Variants in UHMK1 observed in about 807,000 individuals in gnomAD.
UHMK1 encodes the protein U2AF homology motif kinase 1.
UHMK1 carries 18 observed loss-of-function variants against 44.0 expected under a neutral mutation model. The ratio of observed to expected loss-of-function variants is 0.41; its 90% CI spans 0.28 to 0.61. UHMK1 has a LOEUF of 0.61. UHMK1 is among the 20% of genes least tolerant of loss of function. The probability of loss-of-function intolerance (pLI) is 0.31; values close to 1 mark genes in which losing one functional copy is unlikely to be tolerated. For missense variants in UHMK1, 463 were observed against 522.5 expected (o/e 0.89, Z 1.11); for synonymous variants, 231 against 198.5 (o/e 1.16, Z -1.38).
Position 162,525,567 on chromosome 1 carries a change from G to A in UHMK1, c.*3017G>A, listed in dbSNP as rs1447888056. 2 of 152,150 alleles carry A rather than the reference G, an allele frequency of 1.3e-5. No individual in the cohort carries two copies. Among genetic ancestry groups the A allele is most frequent in the African/African-American group, 2.4e-5 (1 of 41,422 alleles). 9.4% of individuals were successfully genotyped at this position (152,150 alleles called of 1,614,324 possible). ...GCTAGCCACTGTCAAAACTAATGCT[G>A]TATTTACAGGACAAAAACAAGTAGA... On this transcript the variant is annotated 3_prime_UTR_variant, in exon 8 of 8. Transcript: ENST00000489294.
At chr1:162,510,125 A>G (rs542383590) in intron 4 of UHMK1, among the ~76,000 whole-genome samples, 2 of 152,346 alleles carry the variant, frequency 1.3e-5, no homozygotes, top group African/African-American at 4.8e-5. Flanking sequence ...TGTATCATGT[A>G]CAACGTGTTT....
At chr1:162,515,972 T>C (rs1651822830) in intron 6 of UHMK1, among the ~76,000 whole-genome samples, 1 of 151,504 alleles carries the variant, frequency 6.6e-6, no homozygotes, top group South Asian at 2.1e-4. Context: ...AGGCGGAGCT[T>C]GCAGTGAGCC....
rs1271557287 is a variant in UHMK1 at position 162,526,533 on chromosome 1, A to G, written c.*3983A>G. The G allele has an allele frequency of 6.6e-6, 1 of 152,064 alleles. No individual in the cohort carries two copies. Among genetic ancestry groups the G allele is most frequent in the Non-Finnish European group, 1.5e-5 (1 of 67,988 alleles). 9.4% of individuals were successfully genotyped at this position (152,064 alleles called of 1,614,324 possible). A position where few individuals can be genotyped will look rare whatever the true frequency, so the allele number is the denominator to read the frequency against. ...CCTTGTGTTTGCTGGAAAATATTAA[A>G]ACTCATTTGGGTGAAAGCTTCCCAG... On this transcript the variant is annotated 3_prime_UTR_variant, in exon 8 of 8. Transcript: ENST00000489294.
rs1652093667 is a variant in UHMK1, at chr1:162,522,486, T to C, written c.1196T>C (p.Val399Ala). 1.2e-6 allele frequency: 2 copies of C among 1,614,104 alleles called. No individual in the cohort carries two copies. The highest frequency in any genetic ancestry group is 1.7e-6 in the Non-Finnish European group (2 of 1,180,044). ...LTGRMFDGKFVVATFYPLSAY... is the reference protein window; with the variant it reads ...LTGRMFDGKFAVATFYPLSAY... ...GGAAGGATGTTTGATGGGAAGTTTGTTGTGGCTACATTCTACCCGCTGAGT... is the reference window on the plus strand; with the variant it reads ...GGAAGGATGTTTGATGGGAAGTTTGCTGTGGCTACATTCTACCCGCTGAGT... The change falls in exon 8 of 8, where the codon GTT (valine) becomes GCT (alanine). Residue 399 changes from valine to alanine, a missense_variant. Physicochemically the swap from Val to Ala is moderately conservative, Grantham distance 64. Around this residue, in one of 3 missense-constraint regions of UHMK1, gnomAD observed 264 missense variants for 326.3 expected, o/e 0.81. Coordinates refer to ENST00000489294, the MANE Select transcript of UHMK1 (RefSeq NM_175866.5).
At chr1:162,497,769 C>A (rs1433281507), upstream of UHMK1, 3 of 1,308,418 alleles carry the variant, frequency 2.3e-6, no homozygotes, top group East Asian at 6.2e-5. Context: ...CTTCTGAGCC[C>A]CCCCTCCTTC....
At position 162,518,115 on chromosome 1, in the gene UHMK1, T is replaced by C. The variant is rs747527705; in HGVS notation, c.1038T>C (p.Asp346=). The part of the protein sequence containing the change: ...NEEEYEDVVE[D]VKEECQKYGP... Reference sequence around the variant, plus strand: ...TTTAATAATCAGATGTTGTAGAAGATGTAAAAGAGGAGTGTCAAAAATATG... The same window carrying C: ...TTTAATAATCAGATGTTGTAGAAGACGTAAAAGAGGAGTGTCAAAAATATG... Residue 346 remains aspartate, a synonymous_variant, in exon 7 of 8, where the codon GAT becomes GAC. Transcript: ENST00000489294. 199 of 1,611,216 alleles carry C rather than the reference T, an allele frequency of 1.2e-4. 2 individuals carry two copies. In the East Asian group the frequency reaches 4.4e-3, roughly 35 times the overall value.
intron 6 of UHMK1, among the ~76,000 whole-genome samples, chr1:162,513,367 G>C (rs1651734867): frequency 6.6e-6 from 1 of 152,070 alleles, no homozygotes; most frequent in South Asian, 2.1e-4. Flanking sequence ...CTTTCCCTAT[G>C]CTTGCATTTC....
chr1:162,503,647 G>T, intron 3 of UHMK1, 107 bp from the exon 4 acceptor site: 3 of 581,896 alleles, frequency 5.2e-6, no homozygotes, highest in Non-Finnish European at 8.7e-6. Flanking sequence ...TAGGCTCTCA[G>T]AAGATAGTGT....
At chr1:162,500,423 G>A in intron 2 of UHMK1, 176 bp downstream of exon 2, 1 of 755,996 alleles carries the variant, frequency 1.3e-6, no homozygotes, top group Non-Finnish European at 2.0e-6. Context: ...GTAAAAAAAG[G>A]ACATAATGTT....
intron 6 of UHMK1, 86 bp downstream of exon 6, chr1:162,512,909 A>G (rs1297145775): frequency 8.0e-6 from 10 of 1,254,414 alleles, no homozygotes; most frequent in African/African-American, 3.0e-5. Flanking sequence ...ATATTTCTCA[A>G]TTTATCTAAT....
Position 162,522,361 on chromosome 1 carries a change from A to G in UHMK1, c.1114-43A>G, listed in dbSNP as rs865844477. The G allele has an allele frequency of 3.1e-6, 5 of 1,607,800 alleles. No individual in the cohort carries two copies. The Admixed American group carries it at 6.7e-5, about 22-fold the overall frequency. The stretch of plus-strand genomic sequence containing the variant: ...GGTGGTAAAGCACTGGTCTAAAACA[A>G]TCTTGGTGGAAATGAAATGTTTTTT... On this transcript the variant is annotated intron_variant, in intron 7 of 7. Coordinates refer to ENST00000489294, the MANE Select transcript of UHMK1 (RefSeq NM_175866.5).
In UHMK1 at chr1:162,525,460, G is replaced by T. The variant is rs1342728387; in HGVS notation, c.*2910G>T. On this transcript the variant is annotated 3_prime_UTR_variant, in exon 8 of 8. Transcript: ENST00000489294. ...CTTTGGGGTATTACTGTGGCACATT[G>T]TACACCCAGAAAAGGCACATACAGT... 2.0e-5 allele frequency: 3 copies of T among 152,038 alleles called. No individual in the cohort carries two copies. The East Asian group carries it at 5.8e-4, about 29-fold the overall frequency. 9.4% of individuals were successfully genotyped at this position (152,038 alleles called of 1,614,324 possible).
chr1:162,528,669 TAAAAA>T lies in UHMK1; in HGVS notation c.*6123_*6127del, dbSNP rs35556610. ...ATGGAAATAAGTATGTTTATTATAA[TAAAAA>T]AAAGTTAAGCTGCATCTCTGTAGAT... On this transcript the variant is annotated 3_prime_UTR_variant, in exon 8 of 8. Transcript: ENST00000489294. 1 of 151,608 alleles carries T rather than the reference TAAAAA, an allele frequency of 6.6e-6. No homozygotes were observed. Among genetic ancestry groups the T allele is most frequent in the Admixed American group, 6.6e-5 (1 of 15,214 alleles). The allele number at this position is 151,608 out of a possible 1,614,324, so 9.4% of individuals were successfully genotyped here. A position where few individuals can be genotyped will look rare whatever the true frequency, so the allele number is the denominator to read the frequency against.
At chr1:162,499,863 C>A in intron 1 of UHMK1, 92 bp from the exon 2 acceptor site, 4 of 1,218,708 alleles carry the variant, frequency 3.3e-6, no homozygotes, top group Non-Finnish European at 4.6e-6. Flanking sequence ...TTATCCTTAT[C>A]TAGACTATCT....
chr1:162,527,656 A>G lies in UHMK1; in HGVS notation c.*5106A>G, dbSNP rs1571025391. ...CTGTAAATGCTGAAATTCATGGGAA[A>G]CTTACCAAATGACTGCTTGAGTGTT... On this transcript the variant is annotated 3_prime_UTR_variant, in exon 8 of 8. Transcript: ENST00000489294. 1 of 152,088 alleles carries G rather than the reference A, an allele frequency of 6.6e-6. No homozygotes were observed. The highest frequency in any genetic ancestry group is 6.6e-5 in the Admixed American group (1 of 15,262). 9.4% of individuals were successfully genotyped at this position (152,088 alleles called of 1,614,324 possible).
intron 2 of UHMK1, 70 bp downstream of exon 2, chr1:162,500,317 A>G (rs1055544085): frequency 9.2e-6 from 14 of 1,518,782 alleles, no homozygotes; most frequent in Middle Eastern, 4.8e-4. Context: ...TTTTTAAATG[A>G]CAAGGGTAGT....
Position 162,499,968 on chromosome 1 carries a change from A to T in UHMK1, c.282A>T (p.Gly94=). ...QGHRNIVTLY[G]VFTIHFSPNV... is the part of the protein sequence containing the mutation. Reference sequence around the variant, plus strand: ...TTCTTTTTCTAGTGACTTTGTATGGAGTGTTTACAATCCACTTTTCTCCAA... The same window carrying T: ...TTCTTTTTCTAGTGACTTTGTATGGTGTGTTTACAATCCACTTTTCTCCAA... Residue 94 remains glycine (G), a synonymous_variant, in exon 2 of 8, where the codon GGA becomes GGT. Transcript: ENST00000489294. 1 of 1,614,072 alleles carries T rather than the reference A, an allele frequency of 6.2e-7. No homozygotes were observed. Among genetic ancestry groups the T allele is most frequent in the South Asian group, 1.1e-5 (1 of 91,074 alleles).
intron 6 of UHMK1, among the ~76,000 whole-genome samples, chr1:162,515,224 T>C (rs1651795021): frequency 6.6e-6 from 1 of 152,170 alleles, no homozygotes; most frequent in South Asian, 2.1e-4. Context: ...GCTTAACACT[T>C]ACTTTGTGCC....
At position 162,512,729 on chromosome 1, in the gene UHMK1, T is replaced by A. The variant is rs1262200049; in HGVS notation, c.930T>A (p.Pro310=). 3.7e-6 allele frequency: 6 copies of A among 1,614,040 alleles called. No homozygotes were observed. Among genetic ancestry groups the A allele is most frequent in the Non-Finnish European group, 5.1e-6 (6 of 1,179,972 alleles). The change falls in exon 6 of 8, where the codon CCT becomes CCA. Residue 310 remains proline (P), a synonymous_variant. Transcript: ENST00000489294. ...TATTATGATGAATTTTAACAGCCCC[T>A]CATATTGAAGATCTGGTCATGCTTC... ...CSPFFSIPFA[P]HIEDLVMLPT...
Sources: allele counts gnomAD v4.1 joint callset (sites outside exome capture counted in the v4.1 genomes callset), GRCh38; gene constraint gnomAD v4.1.1; regional missense constraint gnomAD v4.1.1; transcripts MANE v1.5; gene names NCBI Gene and HGNC (gene_info 2026-07-23, HGNC 2026-07-21).